ELOVL7: variants seen among roughly 807,000 people sequenced by gnomAD.
ELOVL7 encodes ELOVL fatty acid elongase 7.
A neutral mutation model predicts 35.7 loss-of-function variants in ELOVL7; 27 were observed. The observed-to-expected ratio is 0.76, with a 90% CI of 0.56 to 1.04. The LOEUF (loss-of-function observed/expected upper bound fraction) is 1.04, where lower values mean the gene tolerates loss of function less well. Among genes scored for constraint, ELOVL7 ranks in the 50% least tolerant of loss-of-function variants. The pLI is 0.00. For missense variants in ELOVL7, 327 were observed against 340.8 expected, an observed-to-expected ratio of 0.96 and a Z score of 0.32; for synonymous variants, 113 against 114.6, an observed-to-expected ratio of 0.99 and a Z score of 0.09.
intron 3 of ELOVL7, among the ~76,000 whole-genome samples, chr5:60,780,654 T>A (rs1743192542): frequency 6.6e-6 from 1 of 152,140 alleles, no homozygotes; most frequent in Non-Finnish European, 1.5e-5. Flanking sequence ...TCAGGAAACT[T>A]ACAATCATGA....
chr5:60,761,366 T>G (rs1028371775), intron 7 of ELOVL7, among the ~76,000 whole-genome samples: 3 of 151,854 alleles, frequency 2.0e-5, no homozygotes, highest in African/African-American at 7.3e-5. Flanking sequence ...AACAGAAAAA[T>G]AGGAAATTAA....
intron 3 of ELOVL7, among the ~76,000 whole-genome samples, chr5:60,779,167 AACTG>A (rs939488601): frequency 6.5e-4 from 99 of 152,246 alleles, no homozygotes; most frequent in African/African-American, 2.3e-3. Flanking sequence ...CACTGGCTGG[AACTG>A]ACTGTCTGTG....
intron 7 of ELOVL7, among the ~76,000 whole-genome samples, chr5:60,763,109 C>A (rs1377818859): frequency 6.6e-6 from 1 of 152,092 alleles, no homozygotes; most frequent in Non-Finnish European, 1.5e-5. Flanking sequence ...TACTAACAAA[C>A]CTCATAAGAA....
chr5:60,765,823 G>A (rs1384457941), intron 6 of ELOVL7, among the ~76,000 whole-genome samples: 3 of 152,124 alleles, frequency 2.0e-5, no homozygotes, highest in African/African-American at 7.2e-5. Flanking sequence ...AAATATCATG[G>A]TATGCATTCC....
chr5:60,786,874 G>A (rs894346698), intron 3 of ELOVL7, among the ~76,000 whole-genome samples: 1 of 151,686 alleles, frequency 6.6e-6, no homozygotes, highest in African/African-American at 2.4e-5. Flanking sequence ...CCAGGGAGGC[G>A]GAGGTTGCAG....
intron 3 of ELOVL7, among the ~76,000 whole-genome samples, chr5:60,773,013 G>A (rs1742691345): frequency 6.6e-6 from 1 of 152,074 alleles, no homozygotes; most frequent in African/African-American, 2.4e-5. Context: ...GCTAACAACT[G>A]TGATATTCTG....
At chr5:60,764,136 T>C (rs1742089175) in intron 7 of ELOVL7, 91 bp downstream of exon 7, 1 of 831,794 alleles carries the variant, frequency 1.2e-6, no homozygotes, top group Non-Finnish European at 2.0e-6. Context: ...TTTTTTTGAG[T>C]TTCTTATAAA....
Position 60,764,317 on chromosome 5 carries a change from G to A in ELOVL7, c.409C>T (p.Arg137Cys), listed in dbSNP as rs200379193. The change falls in exon 7 of 9, where the codon CGC becomes TGC. Residue 137 changes from arginine to cysteine, a missense_variant. Physicochemically the swap from Arg to Cys is radical, Grantham distance 180. Coordinates refer to ENST00000508821, the MANE Select transcript of ELOVL7 (RefSeq NM_024930.3). ...ELLDTIFFVL[R>C]KKNSQVTFLH... ...AAAGTCACTTGGCTATTTTTCTTGC[G>A]CAGAACAAAAAAGATCTGAAATAAT... The A allele has an allele frequency of 4.2e-5, 68 of 1,610,988 alleles. No individual in the cohort carries two copies. Among genetic ancestry groups the A allele is most frequent in the Admixed American group, 1.3e-4 (8 of 59,914 alleles).
intron 1 of ELOVL7, among the ~76,000 whole-genome samples, chr5:60,835,528 C>G (rs1279623375): frequency 6.6e-6 from 1 of 151,948 alleles, no homozygotes; most frequent in Non-Finnish European, 1.5e-5. Context: ...CTTCCCACTT[C>G]AGCCTCTGGA....
chr5:60,823,981 C>T (rs956686461), intron 1 of ELOVL7, among the ~76,000 whole-genome samples: 3 of 152,196 alleles, frequency 2.0e-5, no homozygotes, highest in Non-Finnish European at 4.4e-5. Flanking sequence ...CAGTTTTCCA[C>T]CACACTGTTC....
intron 1 of ELOVL7, among the ~76,000 whole-genome samples, chr5:60,842,618 G>C (rs1284127872): frequency 6.6e-6 from 1 of 152,014 alleles, no homozygotes; most frequent in Non-Finnish European, 1.5e-5. Context: ...GAAACAGCAC[G>C]GGACTTCAGA....
At chr5:60,841,616 C>T (rs1238613155) in intron 1 of ELOVL7, among the ~76,000 whole-genome samples, 1 of 152,168 alleles carries the variant, frequency 6.6e-6, no homozygotes, top group Non-Finnish European at 1.5e-5. Context: ...TCCTATTTGG[C>T]CTGACTGTAG....
chr5:60,785,782 T>A (rs1409035978), intron 3 of ELOVL7: 1 of 152,170 alleles, frequency 6.6e-6, no homozygotes, highest in Non-Finnish European at 1.5e-5. Context: ...TCACTATGTA[T>A]CCCCTACCAC....
At chr5:60,758,425 T>A (rs1250946265) in intron 7 of ELOVL7, among the ~76,000 whole-genome samples, 1 of 152,210 alleles carries the variant, frequency 6.6e-6, no homozygotes. Context: ...CTCTCAATAA[T>A]CTTCATTAAA....
intron 1 of ELOVL7, among the ~76,000 whole-genome samples, chr5:60,811,514 T>C (rs1745235663): frequency 6.6e-6 from 1 of 152,086 alleles, no homozygotes; most frequent in Non-Finnish European, 1.5e-5. Flanking sequence ...AAATAAATAA[T>C]GACATACCAA....
intron 1 of ELOVL7, among the ~76,000 whole-genome samples, chr5:60,801,794 T>C (rs1744632929): frequency 6.6e-6 from 1 of 152,042 alleles, no homozygotes; most frequent in African/African-American, 2.4e-5. Flanking sequence ...TTTCTTCCCT[T>C]GCAGGACGCT....
At chr5:60,773,911 G>A (rs78389529) in intron 3 of ELOVL7, among the ~76,000 whole-genome samples, 1 of 152,256 alleles carries the variant, frequency 6.6e-6, no homozygotes, top group Non-Finnish European at 1.5e-5. Context: ...GGGAATGGCA[G>A]TATGCCATAT....
Position 60,766,578 on chromosome 5 carries a change from T to C in ELOVL7, c.389A>G (p.Asp130Gly), listed in dbSNP as rs1742248569. ...ATGTGGTGGCCATATACTCACCGTA[T>C]CTAATAGCTCAATAAATTTGGAGAA... is the stretch of plus-strand genomic sequence containing the variant. ...YYFSKFIELL[D>G]TIFFVLRKKN... The change falls in exon 6 of 9, where the codon GAT becomes GGT. Residue 130 changes from aspartate to glycine, a missense_variant. Coordinates refer to ENST00000508821, the MANE Select transcript of ELOVL7 (RefSeq NM_024930.3). The C allele has an allele frequency of 6.2e-7, 1 of 1,612,018 alleles. No individual in the cohort carries two copies. The highest frequency in any genetic ancestry group is 8.5e-7 in the Non-Finnish European group (1 of 1,179,014).
chr5:60,771,217 A>G (rs1221840559), intron 4 of ELOVL7, among the ~76,000 whole-genome samples: 1 of 152,172 alleles, frequency 6.6e-6, no homozygotes, highest in African/African-American at 2.4e-5. Context: ...GGAATCTCAG[A>G]AAAGAACATA....
Sources: gnomAD v4.1 joint callset for allele counts (sites outside exome capture counted in the v4.1 genomes callset) on GRCh38, gnomAD v4.1.1 for gene constraint, MANE v1.5 for transcripts, NCBI Gene and HGNC (gene_info 2026-07-23, HGNC 2026-07-21) for gene names.